The following PPARD variants were observed in gnomAD, a reference collection of about 807,000 sequenced individuals.
PPARD encodes the protein peroxisome proliferator-activated receptor delta.
In PPARD, 6 loss-of-function variants were observed where a neutral mutation model predicts 39.5. The ratio of observed to expected loss-of-function variants is 0.15; its 90% CI spans 0.08 to 0.30. PPARD has a LOEUF of 0.30. Ranked by LOEUF, PPARD falls within the 10% of genes least tolerant of loss-of-function variation. PPARD has a pLI of 1.00. For missense variants in PPARD, 397 were observed against 596.8 expected (o/e 0.67, Z 3.49); for synonymous variants, 210 against 231.3 (o/e 0.91, Z 0.83).
chr6:35,359,755 A>T (rs952772052), intron 2 of PPARD, among the ~76,000 whole-genome samples: 1 of 152,178 alleles, frequency 6.6e-6, no homozygotes, highest in Non-Finnish European at 1.5e-5. Context: ...TGATCACTAC[A>T]TATATCACTT....
At chr6:35,386,508 CAAAT>C (rs2150634489) in intron 2 of PPARD, among the ~76,000 whole-genome samples, 1 of 151,966 alleles carries the variant, frequency 6.6e-6, no homozygotes, top group East Asian at 1.9e-4. Context: ...AACAAACAAA[CAAAT>C]ACTTGGTTCA....
intron 2 of PPARD, among the ~76,000 whole-genome samples, chr6:35,402,806 C>T (rs1223323696): frequency 1.3e-5 from 2 of 152,176 alleles, no homozygotes; most frequent in Non-Finnish European, 2.9e-5. Context: ...CCTAGAAAAC[C>T]AGGTCACTAG....
At chr6:35,404,765 T>C (rs1764922414) in intron 2 of PPARD, among the ~76,000 whole-genome samples, 2 of 152,214 alleles carry the variant, frequency 1.3e-5, no homozygotes, top group South Asian at 4.1e-4. Context: ...ACCAGGTCTC[T>C]CTAGAGCTCT....
At chr6:35,352,831 A>G (rs1761345881) in intron 2 of PPARD, among the ~76,000 whole-genome samples, 1 of 152,182 alleles carries the variant, frequency 6.6e-6, no homozygotes, top group African/African-American at 2.4e-5. Context: ...CATTCCCAAA[A>G]TGAATGTATT....
In PPARD at chr6:35,386,132, G is replaced by T. The variant is rs1387254639; in HGVS notation, c.-101-24855G>T. On this transcript the variant is annotated intron_variant, in intron 2 of 7. Coordinates refer to ENST00000360694, the MANE Select transcript of PPARD (RefSeq NM_006238.5). ...AGCAGCCAAGGGCCTCTTAGATGGC[G>T]GGGCGAGAGGAGGTCATCCAGGACC... Among the ~76,000 whole-genome samples the T allele has an allele frequency of 3.3e-4, 50 of 152,068 alleles. 1 individual carries two copies. The highest frequency in any genetic ancestry group is 1.5e-5 in the Non-Finnish European group (1 of 68,016).
intron 2 of PPARD, among the ~76,000 whole-genome samples, chr6:35,387,168 T>A (rs964571434): frequency 6.6e-6 from 1 of 152,006 alleles, no homozygotes; most frequent in South Asian, 2.1e-4. Context: ...TTGCATCAGT[T>A]GTTGCTCTTT....
chr6:35,355,110 C>CCAGCCT (rs1330348339), intron 2 of PPARD, among the ~76,000 whole-genome samples: 2 of 152,124 alleles, frequency 1.3e-5, no homozygotes, highest in African/African-American at 2.4e-5. Flanking sequence ...CATAGGGAGC[C>CCAGCCT]CAGCCTCAGC....
In PPARD at chr6:35,427,978, C is replaced by G. The variant is rs1766691622; in HGVS notation, c.*1899C>G. ...GCTATGAAGGGACAGCTGCTGGGAC[C>G]CACCTCCCCCTCCCCGGCCACATGC... is the stretch of plus-strand genomic sequence containing the variant. On this transcript the variant is annotated 3_prime_UTR_variant, in exon 8 of 8. Coordinates refer to ENST00000360694, the MANE Select transcript of PPARD (RefSeq NM_006238.5). 6.6e-6 allele frequency: 1 copy of G among 152,652 alleles called. No homozygotes were observed. Among genetic ancestry groups the G allele is most frequent in the South Asian group, 2.1e-4 (1 of 4,818 alleles). The allele number at this position is 152,652 out of a possible 1,614,324, so 9.5% of individuals were successfully genotyped here. A position where few individuals can be genotyped will look rare whatever the true frequency, so the allele number is the denominator to read the frequency against.
chr6:35,348,118 GACTGGTCTCAA>G (rs1055906022), intron 2 of PPARD, among the ~76,000 whole-genome samples: 26 of 151,986 alleles, frequency 1.7e-4, no homozygotes, highest in African/African-American at 6.3e-4. Flanking sequence ...ATGTTAGCCA[GACTGGTCTCAA>G]ACTCCTGATG....
chr6:35,357,005 T>C (rs867794831), intron 2 of PPARD, among the ~76,000 whole-genome samples: 1 of 150,636 alleles, frequency 6.6e-6, no homozygotes, highest in Non-Finnish European at 1.5e-5. Context: ...CAGAGGAGAG[T>C]GTCCACAATG....
At chr6:35,356,486 A>G (rs1404897202) in intron 2 of PPARD, among the ~76,000 whole-genome samples, 1 of 152,168 alleles carries the variant, frequency 6.6e-6, no homozygotes, top group African/African-American at 2.4e-5. Flanking sequence ...TGTTTCCCTT[A>G]ATTGCCTAAA....
At chr6:35,381,206 C>G (rs2150587200) in intron 2 of PPARD, among the ~76,000 whole-genome samples, 1 of 152,272 alleles carries the variant, frequency 6.6e-6, no homozygotes, top group South Asian at 2.1e-4. Flanking sequence ...TCTAGTGCTT[C>G]TGTCCTTCCC....
intron 1 of PPARD, among the ~76,000 whole-genome samples, chr6:35,343,482 C>G (rs1791980688): frequency 6.6e-6 from 1 of 151,080 alleles, no homozygotes; most frequent in Admixed American, 6.6e-5. Context: ...GAAGCCTTAG[C>G]TCCACACTCT....
chr6:35,380,459 G>GTTTTTTTTTTGTT, intron 2 of PPARD, among the ~76,000 whole-genome samples: 1 of 97,156 alleles, frequency 1.0e-5, no homozygotes, highest in African/African-American at 3.4e-5. Flanking sequence ...TTAACCTCGT[G>GTTTTTTTTTTGTT]TTTTTTTTTT....
In PPARD at chr6:35,348,207, C is replaced by T. The variant is rs559928248; in HGVS notation, c.-102+1057C>T. ...ACAGATGTGAGCCACTGTGCCCAGC[C>T]GGGAACAAATATTTTTAAGTGCCAA... On this transcript the variant is annotated intron_variant, in intron 2 of 7. Coordinates refer to ENST00000360694, the MANE Select transcript of PPARD (RefSeq NM_006238.5). 1.3e-4 allele frequency among the ~76,000 whole-genome samples: 20 copies of T among 152,218 alleles called. 1 individual carries two copies. In the South Asian group the frequency reaches 2.9e-3, roughly 22 times the overall value.
intron 2 of PPARD, among the ~76,000 whole-genome samples, chr6:35,404,162 C>T (rs1764874462): frequency 6.6e-6 from 1 of 152,202 alleles, no homozygotes; most frequent in South Asian, 2.1e-4. Context: ...ATATATGAGG[C>T]ACACAGTAGA....
intron 2 of PPARD, chr6:35,348,729 C>A: frequency 1.0e-6 from 1 of 985,194 alleles, no homozygotes; most frequent in Non-Finnish European, 1.2e-6. Flanking sequence ...TCAGGAAGGT[C>A]CTGGGTGGGG....
At chr6:35,348,721 A>C in intron 2 of PPARD, 1 of 985,252 alleles carries the variant, frequency 1.0e-6, no homozygotes, top group Non-Finnish European at 1.2e-6. Flanking sequence ...TAGATCTTTC[A>C]GGAAGGTCCT....
Position 35,424,846 on chromosome 6 carries a change from G to A in PPARD, c.1078+67G>A. 2 of 1,562,930 alleles carry A rather than the reference G, an allele frequency of 1.3e-6. No homozygotes were observed. The highest frequency in any genetic ancestry group is 1.8e-5 in the Admixed American group (1 of 55,910). ...GTCGTCCTGGGGGTTGGCCCTCACT[G>A]CAGGGCACTGTGCCTGAGCTCTGAC... On this transcript the variant is annotated intron_variant, in intron 7 of 7. Coordinates refer to ENST00000360694, the MANE Select transcript of PPARD (RefSeq NM_006238.5). This position sits in a 1 kb window ranked among gnomAD's most constrained non-coding sequence, Gnocchi z 7.1.
Sources: allele counts gnomAD v4.1 joint callset (sites outside exome capture counted in the v4.1 genomes callset), GRCh38; gene constraint gnomAD v4.1.1; non-coding constraint Gnocchi (gnomAD v3.1); transcripts MANE v1.5; gene names NCBI Gene and HGNC (gene_info 2026-07-23, HGNC 2026-07-21).